RC3H1: variants seen among roughly 807,000 people sequenced by gnomAD.
RC3H1 encodes ring finger and CCCH-type domains 1.
In RC3H1, 50 loss-of-function variants were observed where a neutral mutation model predicts 138.2. That is an observed-to-expected ratio of 0.36 (90% CI 0.29 to 0.46). The LOEUF (loss-of-function observed/expected upper bound fraction) is 0.46, where lower values mean the gene tolerates loss of function less well. RC3H1 is among the 20% of genes least tolerant of loss of function. RC3H1 has a pLI of 1.00. For synonymous variants in RC3H1, 462 were observed against 489.1 expected (o/e 0.94, Z 0.73); for missense variants, 1,031 against 1,388.1 (o/e 0.74, Z 4.09).
At chr1:173,946,238 T>C (rs1486755237) in intron 17 of RC3H1, among the ~76,000 whole-genome samples, 1 of 152,108 alleles carries the variant, frequency 6.6e-6, no homozygotes, top group Non-Finnish European at 1.5e-5. Context: ...TCAGGGAATA[T>C]AAGCTCCTGT....
chr1:173,952,133 CA>C lies in RC3H1; in HGVS notation c.2375del (p.Leu792TrpfsTer5). ...LPPTFHPEEFLDEDLKVAGKY... is the reference protein window; with the variant it reads ...LPPTFHPEEFXDEDLKVAGKY... ...TCCCAGCTACCTTCAAGTCTTCATC[CA>C]AAAACTACAGATGGAGAAAGAAAAA... On this transcript the variant is annotated frameshift_variant, in exon 14 of 20. Coordinates refer to ENST00000367696, the MANE Select transcript of RC3H1 (RefSeq NM_172071.4). LOFTEE classifies it high-confidence loss of function. 1.5e-6 allele frequency: 2 copies of C among 1,356,712 alleles called. No individual in the cohort carries two copies. Among genetic ancestry groups the C allele is most frequent in the Non-Finnish European group, 1.9e-6 (2 of 1,042,798 alleles). 84.0% of individuals were successfully genotyped at this position (1,356,712 alleles called of 1,614,324 possible). A position where few individuals can be genotyped will look rare whatever the true frequency, so the allele number is the denominator to read the frequency against.
At chr1:173,982,490 C>T (rs6667627) in intron 5 of RC3H1, among the ~76,000 whole-genome samples, 2,245 of 152,200 alleles carry the variant, frequency 0.015, 64 homozygotes, top group African/African-American at 0.052. Flanking sequence ...TCTTCAAATA[C>T]AAAAATCTAT....
At chr1:173,998,932 G>A (rs1358393373) in intron 1 of RC3H1, among the ~76,000 whole-genome samples, 8 of 151,868 alleles carry the variant, frequency 5.3e-5, no homozygotes, top group Admixed American at 5.3e-4. Context: ...GTCTCTATAA[G>A]CAAAATAAAA....
chr1:174,002,997 C>A (rs1348095071), intron 1 of RC3H1, among the ~76,000 whole-genome samples: 1 of 152,138 alleles, frequency 6.6e-6, no homozygotes, highest in African/African-American at 2.4e-5. Flanking sequence ...GGCCATATAA[C>A]CAGTTGACTA....
At chr1:173,995,851 T>C (rs897870563) in intron 1 of RC3H1, among the ~76,000 whole-genome samples, 1 of 152,206 alleles carries the variant, frequency 6.6e-6, no homozygotes, top group Non-Finnish European at 1.5e-5. Flanking sequence ...ACCTGATATG[T>C]AAAAATATGG....
intron 1 of RC3H1, among the ~76,000 whole-genome samples, chr1:174,004,446 G>A (rs891498290): frequency 4.6e-5 from 7 of 151,782 alleles, no homozygotes; most frequent in Non-Finnish European, 2.9e-5. Context: ...ACACAAATAC[G>A]TATGTTATCC....
intron 18 of RC3H1, among the ~76,000 whole-genome samples, chr1:173,942,663 T>C (rs1464990034): frequency 6.6e-6 from 1 of 151,584 alleles, no homozygotes; most frequent in Non-Finnish European, 1.5e-5. Context: ...AAACCCCGTC[T>C]CTACTAAAAA....
rs759293252 is a variant in RC3H1 at position 173,952,134 on chromosome 1, A to G, written c.2375T>C (p.Leu792Ser). 1.3e-6 allele frequency: 2 copies of G among 1,543,002 alleles called. No individual in the cohort carries two copies. Among genetic ancestry groups the G allele is most frequent in the South Asian group, 1.3e-5 (1 of 75,278 alleles). Reference sequence around the variant, plus strand: ...CCCAGCTACCTTCAAGTCTTCATCCAAAAACTACAGATGGAGAAAGAAAAA... The same window carrying G: ...CCCAGCTACCTTCAAGTCTTCATCCGAAAACTACAGATGGAGAAAGAAAAA... ...LPPTFHPEEF[L>S]DEDLKVAGKY... Residue 792 changes from leucine to serine, a missense_variant, in exon 14 of 20, where the codon TTG becomes TCG. Physicochemically the swap from Leu to Ser is moderately radical, Grantham distance 145 (BLOSUM62 -2). Coordinates refer to ENST00000367696, the MANE Select transcript of RC3H1 (RefSeq NM_172071.4).
intron 19 of RC3H1, among the ~76,000 whole-genome samples, chr1:173,939,163 G>T (rs921568917): frequency 6.6e-6 from 1 of 151,952 alleles, no homozygotes; most frequent in Non-Finnish European, 1.5e-5. Flanking sequence ...GTTGAGAATT[G>T]CGACAAAAAC....
chr1:173,973,296 C>T (rs868743036), intron 7 of RC3H1, among the ~76,000 whole-genome samples: 5 of 152,026 alleles, frequency 3.3e-5, no homozygotes, highest in African/African-American at 4.8e-5. Flanking sequence ...TCAGCACTTT[C>T]GCAGGCCGAG....
chr1:173,946,181 AAAACAAACAAAC>A (rs145559905), intron 17 of RC3H1, among the ~76,000 whole-genome samples: 231 of 152,104 alleles, frequency 1.5e-3, no homozygotes, highest in African/African-American at 5.3e-3. Context: ...AAAGAAAACC[AAAACAAACAAAC>A]AAACAAACAA....
chr1:173,987,559 G>A lies in RC3H1; in HGVS notation c.232-2940C>T, dbSNP rs544249428. Among the ~76,000 whole-genome samples, 13 of 152,082 alleles carry A rather than the reference G, an allele frequency of 8.5e-5. No individual in the cohort carries two copies. The East Asian group carries it at 2.5e-3, about 29-fold the overall frequency. On this transcript the variant is annotated intron_variant, in intron 2 of 19. Coordinates refer to ENST00000367696, the MANE Select transcript of RC3H1 (RefSeq NM_172071.4). ...TCCAGACTCATTTCGTGTATTTCCT[G>A]TCCCAGTCTTAGAATTAGCCATTTC...
At position 173,936,753 on chromosome 1, in the gene RC3H1, ATATATATATT is replaced by A. The variant is rs1372729333; in HGVS notation, c.*1958_*1967del. On this transcript the variant is annotated 3_prime_UTR_variant, in exon 20 of 20. Transcript: ENST00000367696. Reference sequence around the variant, plus strand: ...TACATATATATATATATATATATATATATATATATTTTTTTTTTTTTTTTTAAAAAAAGAA... The same window carrying A: ...TACATATATATATATATATATATATATTTTTTTTTTTTTTTAAAAAAAGAA... The A allele has an allele frequency of 0.014, 693 of 48,002 alleles. 5 individuals carry two copies. The highest frequency in any genetic ancestry group is 0.021 in the African/African-American group (80 of 3,830). The allele number at this position is 48,002 out of a possible 1,614,324, so 3.0% of individuals were successfully genotyped here.
chr1:173,968,588 TA>T (rs1660218262), intron 9 of RC3H1, among the ~76,000 whole-genome samples: 1 of 152,178 alleles, frequency 6.6e-6, no homozygotes, highest in African/African-American at 2.4e-5. Context: ...CTTTTGTTTC[TA>T]GTACTAAAGT....
Position 173,984,606 on chromosome 1 carries a change from T to G in RC3H1, c.245A>C (p.Gln82Pro). The stretch of plus-strand genomic sequence containing the variant: ...AACCCCACTACACAAAGTAATAGGC[T>G]GCTGCTCAGGGACCTGGAGGCCAAA... ...QLVGAQVPEQ[Q>P]PITLCSGVED... Residue 82 changes from glutamine (Q) to proline (P), a missense_variant, in exon 3 of 20, where the codon CAG (glutamine) becomes CCG (proline). This residue lies in a region of RC3H1 where 80 missense variants were observed against 81.1 expected (regional missense o/e 0.99). Coordinates refer to ENST00000367696, the MANE Select transcript of RC3H1 (RefSeq NM_172071.4). The G allele has an allele frequency of 6.2e-7, 1 of 1,612,832 alleles. No homozygotes were observed.
chr1:174,000,405 AG>A (rs1283279219), intron 1 of RC3H1, among the ~76,000 whole-genome samples: 1 of 152,232 alleles, frequency 6.6e-6, no homozygotes, highest in Non-Finnish European at 1.5e-5. Context: ...ATCTACTCTG[AG>A]CCAGGCACTC....
chr1:173,998,299 C>A (rs1335037966), intron 1 of RC3H1, among the ~76,000 whole-genome samples: 1 of 152,114 alleles, frequency 6.6e-6, no homozygotes, highest in Non-Finnish European at 1.5e-5. Context: ...AAATGATGAG[C>A]CCTCTTTATT....
At chr1:173,954,661 T>C (rs1366720350) in intron 13 of RC3H1, among the ~76,000 whole-genome samples, 1 of 152,218 alleles carries the variant, frequency 6.6e-6, no homozygotes, top group Non-Finnish European at 1.5e-5. Context: ...CCATTATTTC[T>C]ATAGACCAAT....
At chr1:173,984,173 T>C (rs1660931747) in intron 3 of RC3H1, among the ~76,000 whole-genome samples, 1 of 152,248 alleles carries the variant, frequency 6.6e-6, no homozygotes, top group African/African-American at 2.4e-5. Flanking sequence ...TAAGTAGTTA[T>C]ATTTGCTATT....
Sources: allele counts gnomAD v4.1 joint callset (sites outside exome capture counted in the v4.1 genomes callset), GRCh38; gene constraint gnomAD v4.1.1; regional missense constraint gnomAD v4.1.1; transcripts MANE v1.5; gene names NCBI Gene and HGNC (gene_info 2026-07-23, HGNC 2026-07-21).